Variants in RUNX1 observed in about 807,000 individuals in gnomAD.
RUNX1 encodes the protein runt-related transcription factor 1.
RUNX1 carries 19 observed loss-of-function variants against 42.8 expected under a neutral mutation model. The ratio of observed to expected loss-of-function variants is 0.44; its 90% CI spans 0.31 to 0.65. RUNX1 has a LOEUF of 0.65. Among genes scored for constraint, RUNX1 ranks in the 30% least tolerant of loss-of-function variants. The probability of loss-of-function intolerance (pLI) is 0.07; values close to 1 mark genes in which losing one functional copy is unlikely to be tolerated. For synonymous variants in RUNX1, 271 were observed against 289.4 expected (o/e 0.94, Z 0.64); for missense variants, 528 against 672.0 (o/e 0.79, Z 2.37).
At chr21:34,990,512 G>C (rs978455762) in intron 2 of RUNX1, among the ~76,000 whole-genome samples, 1 of 152,184 alleles carries the variant, frequency 6.6e-6, no homozygotes, top group Non-Finnish European at 1.5e-5. Context: ...GGATCAGAGG[G>C]AGGGTTTTAG....
At chr21:34,873,757 G>A (rs1216487761) in intron 5 of RUNX1, among the ~76,000 whole-genome samples, 1 of 152,206 alleles carries the variant, frequency 6.6e-6, no homozygotes, top group Admixed American at 6.5e-5. Context: ...CCAAATCAGT[G>A]CAGTGCAAAC....
chr21:34,936,608 G>T (rs552812564), intron 2 of RUNX1, among the ~76,000 whole-genome samples: 2 of 152,196 alleles, frequency 1.3e-5, no homozygotes, highest in Non-Finnish European at 2.9e-5. Context: ...CCAGGGATGG[G>T]ACTGCAAGAA....
rs1195052486 is a variant in RUNX1, at chr21:34,843,207, GAC to G, written c.614-8608_614-8607del. 1.3e-5 allele frequency among the ~76,000 whole-genome samples: 2 copies of G among 151,476 alleles called. No individual in the cohort carries two copies. The highest frequency in any genetic ancestry group is 6.6e-5 in the Admixed American group (1 of 15,212). ...AGACACACACATACACAGACACCTG[GAC>G]ACACACACAGATATAAAACACACAT... On this transcript the variant is annotated intron_variant, in intron 6 of 8. Coordinates refer to ENST00000675419, the MANE Select transcript of RUNX1 (RefSeq NM_001754.5). The surrounding 1 kb of genome is among the most constrained non-coding windows in gnomAD (Gnocchi z 4.8).
intron 7 of RUNX1, among the ~76,000 whole-genome samples, chr21:34,815,516 C>T (rs917900395): frequency 1.3e-5 from 2 of 152,030 alleles, no homozygotes; most frequent in Non-Finnish European, 2.9e-5. Flanking sequence ...AAAGAAGCTT[C>T]CATGAGGAGT....
chr21:34,792,732 G>T lies in RUNX1; in HGVS notation c.968-122C>A. On this transcript the variant is annotated intron_variant, in intron 8 of 8. Coordinates refer to ENST00000675419, the MANE Select transcript of RUNX1 (RefSeq NM_001754.5). This position sits in a 1 kb window ranked among gnomAD's most constrained non-coding sequence, Gnocchi z 6.9. ...GCCTAGGAGGATGGGAAGCCACCCA[G>T]GATGCTACTGCTGGGGAGGACGGGG... is the stretch of plus-strand genomic sequence containing the variant. The T allele has an allele frequency of 1.0e-6, 1 of 972,724 alleles. No individual in the cohort carries two copies. Among genetic ancestry groups the T allele is most frequent in the Non-Finnish European group, 1.5e-6 (1 of 672,926 alleles). The allele number at this position is 972,724 out of a possible 1,614,324, so 60.3% of individuals were successfully genotyped here. A position where few individuals can be genotyped will look rare whatever the true frequency, so the allele number is the denominator to read the frequency against.
Position 34,822,495 on chromosome 21 carries a change from C to T in RUNX1, c.805+11915G>A, listed in dbSNP as rs78990690. 2.9e-3 allele frequency among the ~76,000 whole-genome samples: 436 copies of T among 152,294 alleles called. 2 individuals carry two copies. Among genetic ancestry groups the T allele is most frequent in the Admixed American group, 6.3e-3 (97 of 15,302 alleles). On this transcript the variant is annotated intron_variant, in intron 7 of 8. Transcript: ENST00000675419. Reference sequence around the variant, plus strand: ...ACAAACAAAGGCTATCATTTTAAAACGGGGAAGTGGGTGAGTCTCATGCTT... The same window carrying T: ...ACAAACAAAGGCTATCATTTTAAAATGGGGAAGTGGGTGAGTCTCATGCTT...
chr21:34,962,153 A>G (rs1042067167), intron 2 of RUNX1, among the ~76,000 whole-genome samples: 26 of 152,214 alleles, frequency 1.7e-4, no homozygotes, highest in Admixed American at 1.4e-3. Flanking sequence ...TTGGCCTCCC[A>G]AAGTGTTGAG....
intron 2 of RUNX1, among the ~76,000 whole-genome samples, chr21:34,993,497 CTACACA>C (rs745896570): frequency 1.7e-5 from 2 of 119,128 alleles, no homozygotes; most frequent in African/African-American, 7.0e-5. Flanking sequence ...TTGTTTGTCC[CTACACA>C]CACACACACA....
chr21:34,820,898 G>C (rs2056898812), intron 7 of RUNX1, among the ~76,000 whole-genome samples: 1 of 152,198 alleles, frequency 6.6e-6, no homozygotes, highest in South Asian at 2.1e-4. Flanking sequence ...CACTGGGCCA[G>C]GAGCCAGAAA....
At chr21:34,846,194 C>CTT (rs5843687) in intron 6 of RUNX1, among the ~76,000 whole-genome samples, 18 of 102,252 alleles carry the variant, frequency 1.8e-4, no homozygotes, top group African/African-American at 3.5e-4. Flanking sequence ...TTAAGGATGT[C>CTT]TTTTTTTTTT....
intron 2 of RUNX1, chr21:35,038,394 A>G: frequency 1.8e-5 from 7 of 378,710 alleles, no homozygotes; most frequent in South Asian, 1.4e-4. Context: ...TTACACTTCA[A>G]CATGGACTGA....
At chr21:35,035,699 A>T (rs2059302634) in intron 2 of RUNX1, among the ~76,000 whole-genome samples, 1 of 152,166 alleles carries the variant, frequency 6.6e-6, no homozygotes, top group African/African-American at 2.4e-5. Flanking sequence ...TGTTCACGAC[A>T]ACAGTGCGGA....
At chr21:35,003,383 G>A (rs544172297) in intron 2 of RUNX1, among the ~76,000 whole-genome samples, 1 of 152,250 alleles carries the variant, frequency 6.6e-6, no homozygotes, top group South Asian at 2.1e-4. Context: ...AAGGACGAAC[G>A]GTAATGGGAG....
At chr21:34,867,016 A>G (rs1387033045) in intron 5 of RUNX1, among the ~76,000 whole-genome samples, 2 of 152,188 alleles carry the variant, frequency 1.3e-5, no homozygotes, top group African/African-American at 4.8e-5. Context: ...TTTTCTCTGG[A>G]GATGTTCTAT....
At chr21:35,025,481 G>A (rs193177581) in intron 2 of RUNX1, among the ~76,000 whole-genome samples, 3 of 152,250 alleles carry the variant, frequency 2.0e-5, no homozygotes, top group Non-Finnish European at 4.4e-5. Flanking sequence ...GGCTATGCAC[G>A]TGGCTATTAA....
chr21:34,906,889 C>T (rs557011287), intron 2 of RUNX1, among the ~76,000 whole-genome samples: 1 of 152,224 alleles, frequency 6.6e-6, no homozygotes, highest in African/African-American at 2.4e-5. Context: ...GAAGCAGAGC[C>T]CATCTCAGTT....
At chr21:35,045,761 C>A (rs1048442973) in intron 2 of RUNX1, among the ~76,000 whole-genome samples, 3 of 152,120 alleles carry the variant, frequency 2.0e-5, no homozygotes, top group Non-Finnish European at 4.4e-5. Context: ...CTGAAAAGAG[C>A]GGCAAGCCGA....
intron 2 of RUNX1, among the ~76,000 whole-genome samples, chr21:35,014,427 G>T (rs943064588): frequency 1.3e-5 from 2 of 152,162 alleles, no homozygotes; most frequent in African/African-American, 2.4e-5. Context: ...TCTAGTCCAG[G>T]ATCGATACTT....
At chr21:34,839,593 GACAGCCCCAGCCACA>G (rs2057201847) in intron 6 of RUNX1, among the ~76,000 whole-genome samples, 1 of 152,174 alleles carries the variant, frequency 6.6e-6, no homozygotes, top group African/African-American at 2.4e-5. Flanking sequence ...AGAATCAGAA[GACAGCCCCAGCCACA>G]CTGTGACCTG....
Sources: allele counts gnomAD v4.1 joint callset (sites outside exome capture counted in the v4.1 genomes callset), GRCh38; gene constraint gnomAD v4.1.1; non-coding constraint Gnocchi (gnomAD v3.1); transcripts MANE v1.5; gene names NCBI Gene and HGNC (gene_info 2026-07-23, HGNC 2026-07-21).